Variants in MET observed in about 807,000 individuals in gnomAD.
MET encodes hepatocyte growth factor receptor.
Under a neutral mutation model 133.1 loss-of-function variants are expected in MET, and 48 were observed. That is an observed-to-expected ratio of 0.36 (90% confidence interval 0.29 to 0.46). The LOEUF (loss-of-function observed/expected upper bound fraction) is 0.46, where lower values mean the gene tolerates loss of function less well. MET is among the 20% of genes least tolerant of loss of function. The pLI is 1.00. For synonymous variants in MET, 628 were observed against 616.5 expected (o/e 1.02, Z -0.28); for missense variants, 1,442 against 1,695.9 (o/e 0.85, Z 2.63).
At chr7:116,794,457 A>G (rs1289141363) in intron 19 of MET, among the ~76,000 whole-genome samples, 1 of 152,226 alleles carries the variant, frequency 6.6e-6, no homozygotes, top group Non-Finnish European at 1.5e-5. Flanking sequence ...GGATCAAGGC[A>G]GTCAGCAGCC....
intron 2 of MET, among the ~76,000 whole-genome samples, chr7:116,716,467 G>GAGAAAGAAAGAAAGAAAGAA (rs531059164): frequency 9.2e-6 from 1 of 108,196 alleles, no homozygotes; most frequent in Admixed American, 1.0e-4. Context: ...AAGAAAGAAA[G>GAGAAAGAAAGAAAGAAAGAA]AGAAAGAAAG....
chr7:116,703,351 A>G (rs918866159), intron 2 of MET, among the ~76,000 whole-genome samples: 3 of 152,160 alleles, frequency 2.0e-5, no homozygotes, highest in African/African-American at 4.8e-5. Context: ...AATAATTACT[A>G]AATCTGTTTA....
intron 5 of MET, among the ~76,000 whole-genome samples, chr7:116,754,927 G>GA (rs1354201129): frequency 7.0e-6 from 1 of 142,262 alleles, no homozygotes; most frequent in Non-Finnish European, 1.5e-5. Context: ...AAGAAAGAAA[G>GA]AAAGAAAGAA....
intron 5 of MET, among the ~76,000 whole-genome samples, chr7:116,745,059 C>T (rs945232322): frequency 2.6e-5 from 4 of 152,210 alleles, no homozygotes; most frequent in Non-Finnish European, 4.4e-5. Context: ...TCTCCTTAAG[C>T]TGATAAGCAA....
intron 5 of MET, among the ~76,000 whole-genome samples, chr7:116,750,961 T>C (rs1442468446): frequency 3.3e-5 from 5 of 152,230 alleles, no homozygotes; most frequent in Non-Finnish European, 7.3e-5. Context: ...GGAATGCTTT[T>C]ACACTGTTGG....
chr7:116,772,013 A>G (rs767256435), intron 14 of MET, 24 bp downstream of exon 14: 2 of 1,612,446 alleles, frequency 1.2e-6, no homozygotes, highest in Non-Finnish European at 1.7e-6. Context: ...TATTGTTCTG[A>G]GAAATACCTA....
chr7:116,700,405 T>A, intron 2 of MET, 121 bp downstream of exon 2: 1 of 1,136,466 alleles, frequency 8.8e-7, no homozygotes, highest in Non-Finnish European at 1.2e-6. Context: ...TCCAAAATAG[T>A]TGCAGATTTT....
chr7:116,780,966 T>A (rs763766124), intron 17 of MET, among the ~76,000 whole-genome samples: 1 of 152,210 alleles, frequency 6.6e-6, no homozygotes, highest in Non-Finnish European at 1.5e-5. Flanking sequence ...AGCTAATTCC[T>A]GCAAATAGTA....
chr7:116,770,587 C>G (rs1226273140), intron 12 of MET, among the ~76,000 whole-genome samples: 1 of 152,130 alleles, frequency 6.6e-6, no homozygotes, highest in Non-Finnish European at 1.5e-5. Context: ...ATACCCTTCT[C>G]TCCCCCGGCT....
chr7:116,758,317 C>T (rs1794266806), intron 8 of MET, 142 bp from the exon 9 acceptor site: 1 of 785,152 alleles, frequency 1.3e-6, no homozygotes, highest in East Asian at 2.7e-5. Context: ...TCAGATTAAA[C>T]AGCCTACACT....
At chr7:116,790,421 G>A (rs1349820824) in intron 19 of MET, among the ~76,000 whole-genome samples, 2 of 152,128 alleles carry the variant, frequency 1.3e-5, no homozygotes. Flanking sequence ...CTTCATCCAT[G>A]TTCTAGTATA....
intron 1 of MET, among the ~76,000 whole-genome samples, chr7:116,678,078 C>T (rs991661249): frequency 6.6e-6 from 1 of 152,106 alleles, no homozygotes; most frequent in Non-Finnish European, 1.5e-5. Flanking sequence ...ATGCACTGCC[C>T]TCCTGGTTTC....
chr7:116,792,679 T>C (rs1393739006), intron 19 of MET, among the ~76,000 whole-genome samples: 2 of 152,168 alleles, frequency 1.3e-5, no homozygotes, highest in Admixed American at 6.5e-5. Context: ...GTCCTCCAGC[T>C]ATTTTCTGAT....
chr7:116,674,273 A>C (rs40238), intron 1 of MET, among the ~76,000 whole-genome samples: 124,640 of 152,080 alleles, frequency 0.82, 51,140 homozygotes, highest in East Asian at 0.89. Context: ...AATCATAGCC[A>C]GTCAATACGA....
At chr7:116,792,943 A>G (rs768875023) in intron 19 of MET, among the ~76,000 whole-genome samples, 4 of 152,196 alleles carry the variant, frequency 2.6e-5, no homozygotes, top group Non-Finnish European at 5.9e-5. Flanking sequence ...GAATCATTAT[A>G]TGACAAATAC....
chr7:116,791,649 G>A (rs1271322855), intron 19 of MET, among the ~76,000 whole-genome samples: 1 of 151,896 alleles, frequency 6.6e-6, no homozygotes, highest in Non-Finnish European at 1.5e-5. Context: ...TATCTTATGC[G>A]ATACACTTTT....
intron 12 of MET, among the ~76,000 whole-genome samples, chr7:116,770,099 G>C (rs1794784232): frequency 6.6e-6 from 1 of 152,096 alleles, no homozygotes; most frequent in Non-Finnish European, 1.5e-5. Context: ...TCCTTCTACT[G>C]CCTCCCACCA....
At chr7:116,783,621 C>T in intron 19 of MET, 152 bp downstream of exon 19, 3 of 778,638 alleles carry the variant, frequency 3.9e-6, no homozygotes, top group South Asian at 1.8e-5. Flanking sequence ...GATACGTACA[C>T]ATTGTATATT....
chr7:116,795,615 A>C (rs1795644014), intron 19 of MET, 40 bp from the exon 20 acceptor site: 1 of 1,612,290 alleles, frequency 6.2e-7, no homozygotes, highest in African/African-American at 1.3e-5. Flanking sequence ...ATGTATGGTC[A>C]CATCTCTCAC....
Sources: gnomAD v4.1 joint callset for allele counts (sites outside exome capture counted in the v4.1 genomes callset) on GRCh38, gnomAD v4.1.1 for gene constraint, MANE v1.5 for transcripts, NCBI Gene and HGNC (gene_info 2026-07-23, HGNC 2026-07-21) for gene names.